Variants in FHIT observed in about 807,000 individuals in gnomAD.
The protein encoded by FHIT is fragile histidine triad diadenosine triphosphatase.
In FHIT, 19 loss-of-function variants were observed where a neutral mutation model predicts 17.9. The ratio of observed to expected loss-of-function variants is 1.06; its 90% confidence interval spans 0.74 to 1.56. FHIT has a LOEUF of 1.56. FHIT is among the 40% of genes most tolerant of loss of function. FHIT has a pLI of 0.00. For synonymous variants in FHIT, 81 were observed against 69.7 expected (o/e 1.16, Z -0.81); for missense variants, 248 against 189.2 (o/e 1.31, Z -1.82).
chr3:59,782,082 C>G (rs186684265), intron 8 of FHIT, among the ~76,000 whole-genome samples: 321 of 152,282 alleles, frequency 2.1e-3, no homozygotes, highest in African/African-American at 7.2e-3. Context: ...AAGAACAGAC[C>G]TTTGAAGTTG....
intron 3 of FHIT, among the ~76,000 whole-genome samples, chr3:60,946,152 C>T (rs1553775761): frequency 6.6e-6 from 1 of 152,152 alleles, no homozygotes; most frequent in East Asian, 1.9e-4. Context: ...TACATAAATC[C>T]TGTAAGTCAA....
chr3:61,081,016 C>T (rs1299359149), intron 2 of FHIT, among the ~76,000 whole-genome samples: 3 of 152,072 alleles, frequency 2.0e-5, no homozygotes, highest in Admixed American at 6.5e-5. Context: ...CATTTCAAGG[C>T]GGCCTGGAGA....
At chr3:60,292,599 ATAT>A (rs1168340858) in intron 5 of FHIT, among the ~76,000 whole-genome samples, 1 of 152,328 alleles carries the variant, frequency 6.6e-6, no homozygotes, top group East Asian at 1.9e-4. Context: ...TGAAACAGCC[ATAT>A]TATTCTATCT....
At chr3:59,803,286 T>A (rs1298948622) in intron 8 of FHIT, among the ~76,000 whole-genome samples, 1 of 152,172 alleles carries the variant, frequency 6.6e-6, no homozygotes, top group Non-Finnish European at 1.5e-5. Context: ...TTTCCCAAGT[T>A]GTAGGGACAG....
intron 8 of FHIT, among the ~76,000 whole-genome samples, chr3:59,760,956 G>A (rs369857846): frequency 1.1e-4 from 16 of 152,082 alleles, no homozygotes; most frequent in African/African-American, 3.9e-4. Context: ...CGGGGTTATA[G>A]GCATGCACCA....
At chr3:61,150,920 G>T (rs2037368201) in intron 2 of FHIT, among the ~76,000 whole-genome samples, 1 of 152,148 alleles carries the variant, frequency 6.6e-6, no homozygotes. Context: ...GAAAGTCAAG[G>T]ATACCACCAA....
At chr3:59,775,485 A>T (rs1352992832) in intron 8 of FHIT, among the ~76,000 whole-genome samples, 1 of 152,192 alleles carries the variant, frequency 6.6e-6, no homozygotes, top group Non-Finnish European at 1.5e-5. Flanking sequence ...TCCATTCCCG[A>T]GTTTAACAGC....
intron 2 of FHIT, among the ~76,000 whole-genome samples, chr3:61,065,579 C>T (rs923084896): frequency 6.6e-6 from 1 of 152,144 alleles, no homozygotes; most frequent in Non-Finnish European, 1.5e-5. Flanking sequence ...TTCCCCAAAA[C>T]TAACATGCTT....
chr3:60,386,543 C>T (rs1166724813), intron 5 of FHIT, among the ~76,000 whole-genome samples: 1 of 152,148 alleles, frequency 6.6e-6, no homozygotes, highest in Non-Finnish European at 1.5e-5. Flanking sequence ...CTCATATATA[C>T]CCAGAGGACA....
intron 3 of FHIT, among the ~76,000 whole-genome samples, chr3:60,924,454 G>C (rs893693731): frequency 5.3e-5 from 8 of 152,200 alleles, no homozygotes; most frequent in Admixed American, 2.0e-4. Context: ...ACAGGGTCTA[G>C]AGTGGGCCTG....
intron 8 of FHIT, among the ~76,000 whole-genome samples, chr3:59,870,868 T>TGTGC (rs1553701981): frequency 3.0e-5 from 3 of 100,662 alleles, no homozygotes; most frequent in East Asian, 2.2e-4. Context: ...TGTGTGTGTG[T>TGTGC]GTGTGCGTGT....
intron 7 of FHIT, among the ~76,000 whole-genome samples, chr3:59,994,648 C>T (rs1699429709): frequency 6.6e-6 from 1 of 152,046 alleles, no homozygotes; most frequent in African/African-American, 2.4e-5. Context: ...GAAGAAATCA[C>T]ACCACAAAGC....
At chr3:60,073,939 C>A (rs750973865) in intron 5 of FHIT, among the ~76,000 whole-genome samples, 5 of 152,178 alleles carry the variant, frequency 3.3e-5, no homozygotes, top group Admixed American at 6.6e-5. Context: ...AGTAAATATT[C>A]ACTCTCTCTT....
Position 60,123,991 on chromosome 3 carries a change from T to G in FHIT, c.104-109839A>C, listed in dbSNP as rs1225011781. Among the ~76,000 whole-genome samples, 229 of 48,578 alleles carry G rather than the reference T, an allele frequency of 4.7e-3. 1 individual carries two copies. Among genetic ancestry groups the G allele is most frequent in the East Asian group, 7.8e-3 (14 of 1,798 alleles). The allele number at this position is 48,578 out of a possible 152,430, so 31.9% of individuals were successfully genotyped here. A position where few individuals can be genotyped will look rare whatever the true frequency, so the allele number is the denominator to read the frequency against. On this transcript the variant is annotated intron_variant, in intron 5 of 9. Transcript: ENST00000492590. Reference sequence around the variant, plus strand: ...AAATATATATATATATATATATATATATATATATATATATATATAGAGAGA... The same window carrying G: ...AAATATATATATATATATATATATAGATATATATATATATATATAGAGAGA...
At chr3:59,858,941 A>G (rs1191954115) in intron 8 of FHIT, among the ~76,000 whole-genome samples, 1 of 152,180 alleles carries the variant, frequency 6.6e-6, no homozygotes, top group Admixed American at 6.5e-5. Context: ...GTGTGGACTT[A>G]TATGTACATA....
intron 2 of FHIT, among the ~76,000 whole-genome samples, chr3:61,147,965 A>C (rs959125986): frequency 8.6e-5 from 13 of 151,892 alleles, no homozygotes; most frequent in Non-Finnish European, 1.2e-4. Context: ...TGAACTTCTT[A>C]TTTTAACTTC....
chr3:59,823,730 C>T (rs1186483883), intron 8 of FHIT, among the ~76,000 whole-genome samples: 1 of 152,200 alleles, frequency 6.6e-6, no homozygotes, highest in African/African-American at 2.4e-5. Context: ...GACAAACCCA[C>T]AGCCAACATA....
intron 3 of FHIT, among the ~76,000 whole-genome samples, chr3:60,932,317 C>T (rs1463329475): frequency 6.6e-6 from 1 of 152,144 alleles, no homozygotes; most frequent in African/African-American, 2.4e-5. Context: ...TTTTCCTCCA[C>T]TCACCTCTTC....
At chr3:59,844,405 C>T (rs1316317592) in intron 8 of FHIT, among the ~76,000 whole-genome samples, 2 of 152,088 alleles carry the variant, frequency 1.3e-5, no homozygotes, top group Non-Finnish European at 2.9e-5. Flanking sequence ...TCTTTCGTCA[C>T]TGAACATGAT....
Sources: allele counts gnomAD v4.1 joint callset (sites outside exome capture counted in the v4.1 genomes callset), GRCh38; gene constraint gnomAD v4.1.1; transcripts MANE v1.5; gene names NCBI Gene and HGNC (gene_info 2026-07-23, HGNC 2026-07-21).